Variants in CA10 observed in about 807,000 individuals in gnomAD.
CA10 encodes the protein carbonic anhydrase 10 (inactive), also known as carbonic anhydrase-related protein 10.
Under a neutral mutation model 44.2 loss-of-function variants are expected in CA10, and 14 were observed. The ratio of observed to expected loss-of-function variants is 0.32; its 90% confidence interval spans 0.21 to 0.50. The LOEUF is 0.50. Among genes scored for constraint, CA10 ranks in the 20% least tolerant of loss-of-function variants. The pLI is 0.99. For missense variants in CA10, 350 were observed against 409.7 expected, an observed-to-expected ratio of 0.85 and a Z score of 1.26; for synonymous variants, 159 against 141.6, an observed-to-expected ratio of 1.12 and a Z score of -0.87.
At chr17:52,050,178 A>T (rs1598186880) in intron 2 of CA10, among the ~76,000 whole-genome samples, 1 of 152,076 alleles carries the variant, frequency 6.6e-6, no homozygotes, top group Non-Finnish European at 1.5e-5. Flanking sequence ...CCTATAGTTT[A>T]CCAATTCAGA....
At chr17:52,091,098 T>C (rs1567730033) in intron 1 of CA10, among the ~76,000 whole-genome samples, 1 of 152,028 alleles carries the variant, frequency 6.6e-6, no homozygotes, top group East Asian at 1.9e-4. Context: ...CAAAAAATAC[T>C]ATCTGAAAAA....
Position 51,726,817 on chromosome 17 carries a change from T to A in CA10, c.465+20816A>T, listed in dbSNP as rs116104819. Among the ~76,000 whole-genome samples the A allele has an allele frequency of 5.7e-3, 871 of 152,256 alleles. 6 individuals carry two copies. Among genetic ancestry groups the A allele is most frequent in the African/African-American group, 0.02 (826 of 41,532 alleles). ...TATCTAGAATGAGCCAGAAAAAGAC[T>A]TTAGAGATTTTTCAGAGAACTGCCC... On this transcript the variant is annotated intron_variant, in intron 4 of 8. Transcript: ENST00000451037.
At chr17:51,863,072 C>T (rs1979384790) in intron 3 of CA10, among the ~76,000 whole-genome samples, 1 of 152,144 alleles carries the variant, frequency 6.6e-6, no homozygotes, top group Non-Finnish European at 1.5e-5. Flanking sequence ...TGTATACACC[C>T]TCTAAATCTC....
intron 1 of CA10, among the ~76,000 whole-genome samples, chr17:52,156,291 T>C (rs1020574007): frequency 1.3e-5 from 2 of 152,138 alleles, no homozygotes; most frequent in African/African-American, 4.8e-5. Flanking sequence ...TATAAACCTT[T>C]ACAAGTCACT....
chr17:51,772,795 T>C (rs571187989), intron 3 of CA10, among the ~76,000 whole-genome samples: 1 of 152,320 alleles, frequency 6.6e-6, no homozygotes, highest in African/African-American at 2.4e-5. Context: ...TCAAGTACCT[T>C]GTTGAAGTCA....
chr17:52,090,711 G>T (rs2143208877), intron 1 of CA10, among the ~76,000 whole-genome samples: 1 of 152,176 alleles, frequency 6.6e-6, no homozygotes, highest in South Asian at 2.1e-4. Context: ...AAACCTAAGG[G>T]TTTTTTATGC....
chr17:51,830,286 G>A (rs931948913), intron 3 of CA10, among the ~76,000 whole-genome samples: 2 of 151,734 alleles, frequency 1.3e-5, no homozygotes, highest in Non-Finnish European at 2.9e-5. Flanking sequence ...AGAGTGCACT[G>A]GGATCCCAGA....
intron 2 of CA10, among the ~76,000 whole-genome samples, chr17:51,932,509 CAAACA>C (rs1439633064): frequency 2.0e-5 from 3 of 152,118 alleles, no homozygotes; most frequent in African/African-American, 7.2e-5. Flanking sequence ...TTGGCCTAGA[CAAACA>C]CTTCAACATC....
chr17:52,070,722 T>G (rs1343495053), intron 2 of CA10, among the ~76,000 whole-genome samples: 1 of 152,216 alleles, frequency 6.6e-6, no homozygotes, highest in Admixed American at 6.5e-5. Context: ...GTGGTTGTCT[T>G]AGAAGCAACA....
At chr17:52,031,033 T>G (rs190986663) in intron 2 of CA10, among the ~76,000 whole-genome samples, 1 of 152,276 alleles carries the variant, frequency 6.6e-6, no homozygotes, top group East Asian at 1.9e-4. Flanking sequence ...CTCTTCTCAT[T>G]TATCCATACA....
chr17:52,117,272 G>T (rs563989567), intron 1 of CA10, among the ~76,000 whole-genome samples: 1 of 152,118 alleles, frequency 6.6e-6, no homozygotes, highest in East Asian at 1.9e-4. Flanking sequence ...AAGACACCAC[G>T]GATTCCATTT....
intron 3 of CA10, among the ~76,000 whole-genome samples, chr17:51,919,945 C>A (rs1367931268): frequency 6.6e-6 from 1 of 152,138 alleles, no homozygotes; most frequent in Non-Finnish European, 1.5e-5. Context: ...AGCCACTGCT[C>A]CTGGCCAAAT....
rs150867335 is a variant in CA10 at position 51,649,222 on chromosome 17, T to C, written c.594A>G (p.Arg198=). 213 of 1,613,512 alleles carry C rather than the reference T, an allele frequency of 1.3e-4. No individual in the cohort carries two copies. Among genetic ancestry groups the C allele is most frequent in the Non-Finnish European group, 1.7e-4 (196 of 1,179,548 alleles). Residue 198 remains arginine, a synonymous_variant, in exon 6 of 9, where the codon CGA becomes CGG. Coordinates refer to ENST00000451037, the MANE Select transcript of CA10 (RefSeq NM_020178.5). ...VSDSSNPFLN[R]MLNRDTITRI... ...TTGTGATAGTATCTCTGTTGAGCAT[T>C]CGATTAAGAAATGGGTTTGATGAAT...
intron 4 of CA10, among the ~76,000 whole-genome samples, chr17:51,728,195 A>G (rs545709257): frequency 9.2e-5 from 14 of 152,280 alleles, no homozygotes; most frequent in African/African-American, 2.9e-4. Context: ...AGACCTTTAA[A>G]TACTTTTTAT....
At chr17:51,722,283 A>C (rs1286915490) in intron 4 of CA10, among the ~76,000 whole-genome samples, 1 of 151,946 alleles carries the variant, frequency 6.6e-6, no homozygotes, top group East Asian at 1.9e-4. Context: ...CACTGTATGA[A>C]TGCTTATTCT....
chr17:51,778,000 G>C (rs1016222168), intron 3 of CA10, among the ~76,000 whole-genome samples: 2 of 152,262 alleles, frequency 1.3e-5, no homozygotes, highest in Non-Finnish European at 2.9e-5. Context: ...TCTGTTGTGA[G>C]GCAGGATTGG....
chr17:52,016,774 G>T (rs1479714417), intron 2 of CA10, among the ~76,000 whole-genome samples: 3 of 152,064 alleles, frequency 2.0e-5, no homozygotes, highest in African/African-American at 7.2e-5. Flanking sequence ...TTATCCAAGT[G>T]TGGTGGCACA....
At chr17:51,958,872 A>G (rs1429144129) in intron 2 of CA10, among the ~76,000 whole-genome samples, 1 of 152,178 alleles carries the variant, frequency 6.6e-6, no homozygotes. Context: ...TTAAGCATAT[A>G]CCATCCTCCA....
At chr17:52,122,013 A>G (rs1444101503) in intron 1 of CA10, among the ~76,000 whole-genome samples, 4 of 152,358 alleles carry the variant, frequency 2.6e-5, no homozygotes, top group East Asian at 3.9e-4. Flanking sequence ...ACTGCCTTTC[A>G]TCGTGTAGCA....
Sources: allele counts gnomAD v4.1 joint callset (sites outside exome capture counted in the v4.1 genomes callset), GRCh38; gene constraint gnomAD v4.1.1; transcripts MANE v1.5; gene names NCBI Gene and HGNC (gene_info 2026-07-23, HGNC 2026-07-21).